Variants in PDE1A observed in about 807,000 individuals in gnomAD.
PDE1A encodes phosphodiesterase 1A, also known as dual specificity calcium/calmodulin-dependent 3',5'-cyclic nucleotide phosphodiesterase 1A.
PDE1A carries 35 observed loss-of-function variants against 61.7 expected under a neutral mutation model. That is an observed-to-expected ratio of 0.57 (90% CI 0.43 to 0.75). The LOEUF is 0.75. Ranked by LOEUF, PDE1A falls within the 30% of genes least tolerant of loss-of-function variation. The pLI is 0.00. For synonymous variants in PDE1A, 232 were observed against 213.2 expected (o/e 1.09, Z -0.77); for missense variants, 597 against 630.6 (o/e 0.95, Z 0.57).
chr2:182,577,981 GAA>G, the PDE1A span, among the ~76,000 whole-genome samples: 64 of 148,436 alleles, frequency 4.3e-4, no homozygotes, highest in African/African-American at 1.5e-3. Flanking sequence ...AGGAAGGAAG[GAA>G]GGAAGGAAGG....
At chr2:182,390,703 G>A (rs1005698719) in intron 1 of PDE1A, among the ~76,000 whole-genome samples, 1 of 152,200 alleles carries the variant, frequency 6.6e-6, no homozygotes, top group African/African-American at 2.4e-5. Context: ...GCCTCACCAG[G>A]TGTCTACTGT....
At chr2:182,210,137 T>C (rs1687463573) in intron 7 of PDE1A, among the ~76,000 whole-genome samples, 1 of 152,232 alleles carries the variant, frequency 6.6e-6, no homozygotes, top group African/African-American at 2.4e-5. Context: ...AATGTGTTTG[T>C]AATTTTTTTG....
intron 7 of PDE1A, among the ~76,000 whole-genome samples, chr2:182,209,249 G>C (rs1022573251): frequency 6.6e-6 from 1 of 152,066 alleles, no homozygotes; most frequent in Non-Finnish European, 1.5e-5. Flanking sequence ...GGCCGCAAGA[G>C]AGAGAATGAG....
chr2:182,632,018 T>G, the PDE1A span, among the ~76,000 whole-genome samples: 1 of 152,224 alleles, frequency 6.6e-6, no homozygotes, highest in Non-Finnish European at 1.5e-5. Context: ...TTTCCCTTTT[T>G]CATACCGATT....
intron 7 of PDE1A, among the ~76,000 whole-genome samples, chr2:182,207,866 C>T (rs1687246933): frequency 6.6e-6 from 1 of 152,202 alleles, no homozygotes; most frequent in African/African-American, 2.4e-5. Flanking sequence ...TAGCTCCAGT[C>T]GTGGCTGAAA....
At chr2:182,614,369 G>C in the PDE1A span, among the ~76,000 whole-genome samples, 1 of 152,054 alleles carries the variant, frequency 6.6e-6, no homozygotes, top group Non-Finnish European at 1.5e-5. Context: ...GTAAGAGTCA[G>C]AGTTTATAAT....
intron 1 of PDE1A, among the ~76,000 whole-genome samples, chr2:182,295,985 TG>T (rs1489539868): frequency 1.3e-5 from 2 of 152,118 alleles, no homozygotes; most frequent in Admixed American, 6.5e-5. Flanking sequence ...ACTTAAATAG[TG>T]GGAATGCAGG....
chr2:182,493,441 C>T (rs1688519039), intron 2 of PDE1A, among the ~76,000 whole-genome samples: 1 of 152,072 alleles, frequency 6.6e-6, no homozygotes, highest in African/African-American at 2.4e-5. Context: ...GCCTCCTCAC[C>T]CCGTGACAGG....
At chr2:182,188,312 T>C (rs1685413099) in intron 11 of PDE1A, among the ~76,000 whole-genome samples, 1 of 152,182 alleles carries the variant, frequency 6.6e-6, no homozygotes, top group South Asian at 2.1e-4. Flanking sequence ...TGATGGGTGG[T>C]GCTGGAGCAT....
the PDE1A span, among the ~76,000 whole-genome samples, chr2:182,563,745 T>C: frequency 6.6e-6 from 1 of 152,234 alleles, no homozygotes; most frequent in Admixed American, 6.5e-5. Context: ...TGCTCCTGTA[T>C]TGGGTGCATA....
intron 2 of PDE1A, among the ~76,000 whole-genome samples, chr2:182,457,889 G>T (rs1043189536): frequency 6.6e-6 from 1 of 151,922 alleles, no homozygotes; most frequent in Non-Finnish European, 1.5e-5. Flanking sequence ...TAAATACTGA[G>T]CATTAACAAT....
At chr2:182,502,805 T>C (rs1262401715) in intron 2 of PDE1A, among the ~76,000 whole-genome samples, 2 of 151,748 alleles carry the variant, frequency 1.3e-5, no homozygotes, top group African/African-American at 4.8e-5. Context: ...GAGGAGAGCA[T>C]GTATTAAGTG....
At chr2:182,457,436 G>T (rs542795212) in intron 2 of PDE1A, among the ~76,000 whole-genome samples, 1 of 151,890 alleles carries the variant, frequency 6.6e-6, no homozygotes, top group African/African-American at 2.4e-5. Flanking sequence ...TAAAATCTGT[G>T]TGTAAACAAA....
intron 2 of PDE1A, among the ~76,000 whole-genome samples, chr2:182,452,577 T>C (rs1685602093): frequency 6.6e-6 from 1 of 152,110 alleles, no homozygotes; most frequent in Admixed American, 6.6e-5. Flanking sequence ...CCACAAAATC[T>C]TTTTTCTGCT....
chr2:182,344,087 G>C (rs759356231), intron 1 of PDE1A, among the ~76,000 whole-genome samples: 1 of 151,946 alleles, frequency 6.6e-6, no homozygotes, highest in African/African-American at 2.4e-5. Flanking sequence ...GCCCAGGTTG[G>C]TCTCAAACTC....
chr2:182,165,932 A>T (rs976138831), downstream of PDE1A, among the ~76,000 whole-genome samples: 3 of 152,114 alleles, frequency 2.0e-5, no homozygotes, highest in Admixed American at 2.0e-4. Flanking sequence ...ATCAGATTTG[A>T]GTTGCAGGAG....
At chr2:182,172,841 A>G (rs1317912837) in intron 13 of PDE1A, among the ~76,000 whole-genome samples, 1 of 152,024 alleles carries the variant, frequency 6.6e-6, no homozygotes, top group Non-Finnish European at 1.5e-5. Context: ...GTAGAGAGAT[A>G]GGAAAACATA....
At chr2:182,576,880 T>C in the PDE1A span, among the ~76,000 whole-genome samples, 2 of 152,318 alleles carry the variant, frequency 1.3e-5, no homozygotes, top group African/African-American at 4.8e-5. Flanking sequence ...TTTTCATATA[T>C]ATCTTAAGTA....
intron 1 of PDE1A, among the ~76,000 whole-genome samples, chr2:182,425,681 C>T (rs945059964): frequency 3.9e-5 from 6 of 152,076 alleles, no homozygotes; most frequent in African/African-American, 9.7e-5. Flanking sequence ...TTTGCTCATA[C>T]GTTTTATCAT....
Sources: allele counts gnomAD v4.1 joint callset (sites outside exome capture counted in the v4.1 genomes callset), GRCh38; gene constraint gnomAD v4.1.1; transcripts MANE v1.5; gene names NCBI Gene and HGNC (gene_info 2026-07-23, HGNC 2026-07-21).